The following VIPAS39 variants were observed in gnomAD, a reference collection of about 807,000 sequenced individuals.
The protein encoded by VIPAS39 is VPS33B interacting protein, apical-basolateral polarity regulator, spe-39 homolog.
In VIPAS39, 63 loss-of-function variants were observed where a neutral mutation model predicts 84.7. The ratio of observed to expected loss-of-function variants is 0.74; its 90% CI spans 0.61 to 0.92. The LOEUF is 0.92. Among genes scored for constraint, VIPAS39 ranks in the 40% least tolerant of loss-of-function variants. The probability of loss-of-function intolerance (pLI) is 0.00; values close to 1 mark genes in which losing one functional copy is unlikely to be tolerated. For synonymous variants in VIPAS39, 192 were observed against 216.5 expected (o/e 0.89, Z 0.99); for missense variants, 499 against 604.5 (o/e 0.83, Z 1.83).
rs188151618 is a variant in VIPAS39, at chr14:77,451,258, C to T, written c.272G>A (p.Arg91Gln). 151 of 1,614,182 alleles carry T rather than the reference C, an allele frequency of 9.4e-5. 1 individual carries two copies. The highest frequency in any genetic ancestry group is 8.2e-4 in the Middle Eastern group (5 of 6,062). ...TTGTGCATAGGAGGAGAAGCTGTTT[C>T]GGCTCTTTAGCTGTTCACGCCCCTC... ...THEGREQLKS[R>Q]NSFSSYAQLP... The change falls in exon 4 of 20, where the codon CGA becomes CAA. Residue 91 changes from arginine (R) to glutamine (Q), a missense_variant. Transcript: ENST00000557658.
Position 77,449,575 on chromosome 14 carries a change from GA to G in VIPAS39, c.382+138del, listed in dbSNP as rs2078850434. 8 of 1,342,158 alleles carry G rather than the reference GA, an allele frequency of 6.0e-6. No homozygotes were observed. In the Admixed American group the frequency reaches 1.2e-4, roughly 20 times the overall value. 83.1% of individuals were successfully genotyped at this position (1,342,158 alleles called of 1,614,324 possible). On this transcript the variant is annotated intron_variant, in intron 5 of 19. Coordinates refer to ENST00000557658, the MANE Select transcript of VIPAS39 (RefSeq NM_001193315.2). The stretch of plus-strand genomic sequence containing the variant: ...ATTTCTACCTCCTTAGTCAGTATCA[GA>G]AAATTCCTCTAATAATGACAGTAGA...
chr14:77,432,611 C>T (rs1047175070), intron 16 of VIPAS39, among the ~76,000 whole-genome samples: 1 of 152,126 alleles, frequency 6.6e-6, no homozygotes, highest in South Asian at 2.1e-4. Flanking sequence ...GAGATCCTGA[C>T]ATGTGACAGC....
chr14:77,456,732 A>G (rs2078966689), intron 1 of VIPAS39, among the ~76,000 whole-genome samples: 3 of 152,250 alleles, frequency 2.0e-5, no homozygotes, highest in Non-Finnish European at 1.5e-5. Flanking sequence ...AACAAACACA[A>G]TAATCTACCA....
At chr14:77,443,078 G>A (rs780083502) in intron 9 of VIPAS39, 41 bp downstream of exon 9, 2 of 1,613,580 alleles carry the variant, frequency 1.2e-6, no homozygotes, top group African/African-American at 2.7e-5. Context: ...GAATGTGGCA[G>A]ACACCTTGCT....
intron 10 of VIPAS39, among the ~76,000 whole-genome samples, chr14:77,441,682 G>A (rs959974346): frequency 1.3e-5 from 2 of 152,112 alleles, no homozygotes; most frequent in African/African-American, 4.8e-5. Flanking sequence ...GCAAATTCCT[G>A]GCTAACATCT....
intron 18 of VIPAS39, among the ~76,000 whole-genome samples, chr14:77,428,721 A>G (rs1045538940): frequency 6.6e-6 from 1 of 152,186 alleles, no homozygotes; most frequent in African/African-American, 2.4e-5. Flanking sequence ...TCCAGTGCCC[A>G]CAGAACTCCA....
Position 77,433,939 on chromosome 14 carries a change from G to C in VIPAS39, c.1090-8C>G. 1.2e-6 allele frequency: 2 copies of C among 1,613,872 alleles called. No homozygotes were observed. Among genetic ancestry groups the C allele is most frequent in the Admixed American group, 3.3e-5 (2 of 60,020 alleles). ...ATACTGTTTATCTGGGATCTGGAAAGCAGAGACCGAGAAAAATTAAGGGGA... is the reference window on the plus strand; with the variant it reads ...ATACTGTTTATCTGGGATCTGGAAACCAGAGACCGAGAAAAATTAAGGGGA... On this transcript the variant is annotated splice_polypyrimidine_tract_variant and splice_region_variant and intron_variant, in intron 15 of 19. Coordinates refer to ENST00000557658, the MANE Select transcript of VIPAS39 (RefSeq NM_001193315.2).
At chr14:77,438,015 G>T (rs941870561) in intron 11 of VIPAS39, 134 bp from the exon 12 acceptor site, 9 of 810,244 alleles carry the variant, frequency 1.1e-5, no homozygotes, top group African/African-American at 1.7e-5. Context: ...GGAGGCGGGT[G>T]GGGGGATAGG....
At chr14:77,430,916 C>A (rs2078512800) in intron 16 of VIPAS39, among the ~76,000 whole-genome samples, 1 of 152,064 alleles carries the variant, frequency 6.6e-6, no homozygotes, top group Non-Finnish European at 1.5e-5. Context: ...TCAACAAAAG[C>A]ACCAAGAGGA....
At chr14:77,445,034 C>A (rs1163270261) in intron 7 of VIPAS39, among the ~76,000 whole-genome samples, 1 of 151,506 alleles carries the variant, frequency 6.6e-6, no homozygotes, top group African/African-American at 2.4e-5. Context: ...TCTTGGCTCA[C>A]TGCAAGCCCC....
chr14:77,453,168 T>A, intron 3 of VIPAS39, 131 bp downstream of exon 3: 1 of 977,618 alleles, frequency 1.0e-6, no homozygotes, highest in South Asian at 1.3e-5. Flanking sequence ...AGTTTCCAGA[T>A]GTATGCTTAT....
At position 77,435,307 on chromosome 14, in the gene VIPAS39, T is replaced by C. The variant is rs775634964; in HGVS notation, c.999A>G (p.Leu333=). Residue 333 remains leucine, a synonymous_variant, in exon 14 of 20, where the codon CTA becomes CTG. Coordinates refer to ENST00000557658, the MANE Select transcript of VIPAS39 (RefSeq NM_001193315.2). ...PRKASILNMP[L]VTTLFYSCFY... ...AGCAGGAGTAGAAAAGTGTTGTCAC[T>C]AGTGGCATGTTGAGGATGGAGGCTT... 3 of 1,613,826 alleles carry C rather than the reference T, an allele frequency of 1.9e-6. No individual in the cohort carries two copies. The highest frequency in any genetic ancestry group is 8.5e-7 in the Non-Finnish European group (1 of 1,179,968).
chr14:77,436,485 C>T (rs1291325690), intron 12 of VIPAS39, among the ~76,000 whole-genome samples: 2 of 152,256 alleles, frequency 1.3e-5, no homozygotes, highest in East Asian at 3.9e-4. Context: ...CTCTGTGTCA[C>T]CCAGGCTGGA....
In VIPAS39 at chr14:77,428,371, G is replaced by A. The variant is rs140365206; in HGVS notation, c.1460C>T (p.Ser487Leu). Reference protein sequence around the residue: ...EEKIDALLSSSQIRWKN With the variant: ...EEKIDALLSSLQIRWKN ...GAGGGGTGAACTGTAGCTGCTCACC[G>A]AGCTGCTGAGAAGAGCATCAATCTT... Residue 487 changes from serine (S) to leucine (L), a missense_variant and splice_region_variant, in exon 19 of 20, where the codon TCG becomes TTG. Ser to Leu is a moderately radical substitution (Grantham distance 145). Coordinates refer to ENST00000557658, the MANE Select transcript of VIPAS39 (RefSeq NM_001193315.2). 209 of 1,613,532 alleles carry A rather than the reference G, an allele frequency of 1.3e-4. No individual in the cohort carries two copies. In the African/African-American group the frequency reaches 2.4e-3, roughly 18 times the overall value.
intron 8 of VIPAS39, 133 bp downstream of exon 8, chr14:77,444,116 G>A (rs2078748298): frequency 2.3e-6 from 2 of 874,264 alleles, no homozygotes; most frequent in Non-Finnish European, 3.6e-6. Context: ...AGATTACTTA[G>A]AATCCTACAC....
intron 10 of VIPAS39, among the ~76,000 whole-genome samples, chr14:77,442,215 A>G (rs1220751771): frequency 6.6e-6 from 1 of 152,214 alleles, no homozygotes; most frequent in Non-Finnish European, 1.5e-5. Context: ...CTAGCCCTTC[A>G]TCTTCATAAT....
At chr14:77,451,468 G>C in intron 3 of VIPAS39, 135 bp from the exon 4 acceptor site, 1 of 1,285,794 alleles carries the variant, frequency 7.8e-7, no homozygotes, top group Non-Finnish European at 1.1e-6. Flanking sequence ...AGAAAAGATA[G>C]AATCAAATAG....
intron 1 of VIPAS39, among the ~76,000 whole-genome samples, chr14:77,454,982 G>A (rs1261872968): frequency 1.3e-5 from 2 of 152,086 alleles, no homozygotes; most frequent in East Asian, 3.8e-4. Context: ...TGAAAGAACG[G>A]AAAGCAAAGC....
At chr14:77,437,702 T>C (rs1294931537) in intron 12 of VIPAS39, 106 bp downstream of exon 12, 13 of 1,186,382 alleles carry the variant, frequency 1.1e-5, no homozygotes, top group Middle Eastern at 1.9e-4. Flanking sequence ...GTATGATTCA[T>C]TGTTAGCCCT....
Sources: allele counts gnomAD v4.1 joint callset (sites outside exome capture counted in the v4.1 genomes callset), GRCh38; gene constraint gnomAD v4.1.1; transcripts MANE v1.5; gene names NCBI Gene and HGNC (gene_info 2026-07-23, HGNC 2026-07-21).